Variants in GRHPR observed in about 807,000 individuals in gnomAD.
The protein encoded by GRHPR is glyoxylate reductase/hydroxypyruvate reductase.
A neutral mutation model predicts 36.8 loss-of-function variants in GRHPR; 35 were observed. That is an observed-to-expected ratio of 0.95 (90% CI 0.73 to 1.26). GRHPR has a LOEUF of 1.26. GRHPR is among the 50% of genes most tolerant of loss of function. The pLI is 0.00. For synonymous variants in GRHPR, 179 were observed against 181.0 expected (o/e 0.99, Z 0.09); for missense variants, 380 against 435.0 (o/e 0.87, Z 1.12).
chr9:37,426,755 C>T, intron 4 of GRHPR, 101 bp downstream of exon 4: 1 of 740,550 alleles, frequency 1.4e-6, no homozygotes, highest in Middle Eastern at 3.5e-4. Flanking sequence ...CGAGACCAGT[C>T]TGGCCAACAT....
Position 37,424,862 on chromosome 9 carries a change from G to A in GRHPR, c.101G>A (p.Trp34Ter). The A allele has an allele frequency of 6.2e-7, 1 of 1,611,806 alleles. No homozygotes were observed. Among genetic ancestry groups the A allele is most frequent in the Non-Finnish European group, 8.5e-7 (1 of 1,178,306 alleles). Residue 34 changes from tryptophan to a stop codon, truncating the protein, a stop_gained, in exon 2 of 9, where the codon TGG becomes TAG. Coordinates refer to ENST00000318158, the MANE Select transcript of GRHPR (RefSeq NM_012203.2). LOFTEE classifies it high-confidence loss of function. The part of the protein sequence containing the change: ...ARAADCEVEQ[W>*]DSDEPIPAKE... ...CCCCGCAGCTGTGAGGTGGAGCAGT[G>A]GGACTCGGATGAGCCCATCCCTGCC...
Position 37,430,108 on chromosome 9 carries a change from C to T in GRHPR, c.598+272C>T, listed in dbSNP as rs1454274809. The T allele has an allele frequency of 9.7e-5, 53 of 549,076 alleles. 1 individual carries two copies. The highest frequency in any genetic ancestry group is 8.6e-4 in the South Asian group (43 of 50,014). The allele number at this position is 549,076 out of a possible 1,614,324, so 34.0% of individuals were successfully genotyped here. ...CCATTCCCCATTGTGGGCGGAGCAG[C>T]GGGGATGGTGGTGGGTGTGAGGAAG... is the stretch of plus-strand genomic sequence containing the variant. On this transcript the variant is annotated intron_variant, in intron 6 of 8. Coordinates refer to ENST00000318158, the MANE Select transcript of GRHPR (RefSeq NM_012203.2).
At chr9:37,432,415 C>T (rs1823415456) in intron 8 of GRHPR, 3 of 380,874 alleles carry the variant, frequency 7.9e-6, no homozygotes, top group South Asian at 2.1e-5. Flanking sequence ...CGTGGTGGCT[C>T]ATGCCTGTAA....
intron 8 of GRHPR, among the ~76,000 whole-genome samples, chr9:37,433,245 T>G (rs956028635): frequency 6.7e-6 from 1 of 149,320 alleles, no homozygotes; most frequent in African/African-American, 2.5e-5. Flanking sequence ...TTTTTTTTTT[T>G]TTTTTTGAGA....
intron 8 of GRHPR, among the ~76,000 whole-genome samples, chr9:37,435,588 G>C (rs1041215477): frequency 1.3e-5 from 2 of 152,140 alleles, no homozygotes; most frequent in Non-Finnish European, 2.9e-5. Flanking sequence ...AAGAAACTCT[G>C]TGAATTAAGT....
intron 8 of GRHPR, 74 bp from the exon 9 acceptor site, chr9:37,436,587 C>T: frequency 6.5e-7 from 1 of 1,546,734 alleles, no homozygotes; most frequent in Non-Finnish European, 8.9e-7. Flanking sequence ...CAAACCCAAG[C>T]CATGAAAACA....
chr9:37,438,322 A>T (rs1356320007), downstream of GRHPR: 1 of 152,654 alleles, frequency 6.6e-6, no homozygotes, highest in African/African-American at 2.4e-5. Flanking sequence ...ACTACAGATC[A>T]TAGGAACCCT....
At chr9:37,429,345 G>A in intron 5 of GRHPR, 1 of 323,428 alleles carries the variant, frequency 3.1e-6, no homozygotes, top group Non-Finnish European at 6.1e-6. Flanking sequence ...GTCTGAGACT[G>A]CATTCACAGA....
intron 1 of GRHPR, 63 bp from the exon 2 acceptor site, chr9:37,424,782 C>T (rs1441532266): frequency 1.3e-6 from 2 of 1,583,830 alleles, no homozygotes; most frequent in Admixed American, 1.8e-5. Flanking sequence ...GGATTCCCAG[C>T]TGGGAGGGGC....
At chr9:37,431,849 T>C (rs1052060569) in intron 7 of GRHPR, 159 bp from the exon 8 acceptor site, 3 of 711,870 alleles carry the variant, frequency 4.2e-6, no homozygotes, top group African/African-American at 3.5e-5. Flanking sequence ...TCTCTGAGTA[T>C]ATAAGACTTA....
At chr9:37,434,106 G>C (rs1047242833) in intron 8 of GRHPR, 9 of 398,456 alleles carry the variant, frequency 2.3e-5, no homozygotes, top group African/African-American at 1.9e-4. Context: ...GGTCTGAGGA[G>C]AGGGCAGTCA....
At chr9:37,431,025 T>C (rs1054791660) in intron 7 of GRHPR, 9 of 478,346 alleles carry the variant, frequency 1.9e-5, no homozygotes, top group African/African-American at 1.8e-4. Flanking sequence ...AGCCTGGCTT[T>C]GTCTGGCTGT....
chr9:37,428,412 G>T, intron 4 of GRHPR, 72 bp from the exon 5 acceptor site: 1 of 976,746 alleles, frequency 1.0e-6, no homozygotes. Context: ...ACAGTCAGAG[G>T]TGCCGGGTTC....
At chr9:37,428,634 C>T (rs1304631839) in intron 5 of GRHPR, 62 bp downstream of exon 5, 5 of 1,076,512 alleles carry the variant, frequency 4.6e-6, no homozygotes, top group Non-Finnish European at 7.1e-6. Flanking sequence ...GCATCCCTGG[C>T]ACCACGTGTC....
Position 37,430,501 on chromosome 9 carries a change from C to T in GRHPR, c.599-10C>T. ...GACTCAGTGCCTGATGGAGTCCTGC[C>T]CTCCCTCAGTGTCTACCCCTGAGCT... is the stretch of plus-strand genomic sequence containing the variant. On this transcript the variant is annotated splice_polypyrimidine_tract_variant and intron_variant, in intron 6 of 8. Transcript: ENST00000318158. The T allele has an allele frequency of 1.2e-6, 2 of 1,611,784 alleles. No homozygotes were observed. The highest frequency in any genetic ancestry group is 1.7e-6 in the Non-Finnish European group (2 of 1,177,848).
intron 6 of GRHPR, chr9:37,430,266 C>T: frequency 1.7e-6 from 1 of 595,682 alleles, no homozygotes; most frequent in Non-Finnish European, 3.0e-6. Flanking sequence ...CAGGCTGGAT[C>T]TCAAGCATTC....
intron 8 of GRHPR, among the ~76,000 whole-genome samples, chr9:37,436,107 C>T (rs534263767): frequency 3.9e-5 from 6 of 152,232 alleles, no homozygotes; most frequent in Middle Eastern, 3.4e-3. Flanking sequence ...AACTCCTATG[C>T]GTTCACCATT....
In GRHPR at chr9:37,426,582, C is replaced by T. The variant is rs1588752650; in HGVS notation, c.332C>T (p.Thr111Ile). The T allele has an allele frequency of 1.2e-6, 2 of 1,613,952 alleles. No homozygotes were observed. Among genetic ancestry groups the T allele is most frequent in the Non-Finnish European group, 8.5e-7 (1 of 1,179,834 alleles). Residue 111 changes from threonine (T) to isoleucine (I), a missense_variant, in exon 4 of 9, where the codon ACC becomes ATC. Thr to Ile is a moderately conservative substitution (Grantham distance 89, BLOSUM62 -1). Transcript: ENST00000318158. ...ACCCCAGATGTCCTGACAGATACCACCGCCGAACTCGCAGTCTCCCTGCTA... is the reference window on the plus strand; with the variant it reads ...ACCCCAGATGTCCTGACAGATACCATCGCCGAACTCGCAGTCTCCCTGCTA... ...GYTPDVLTDT[T>I]AELAVSLLLT...
At chr9:37,428,619 G>A (rs1183641611) in intron 5 of GRHPR, 47 bp downstream of exon 5, 9 of 1,272,476 alleles carry the variant, frequency 7.1e-6, no homozygotes, top group South Asian at 2.4e-5. Flanking sequence ...CTCACAGCGT[G>A]GTTTGCATCC....
Sources: gnomAD v4.1 joint callset for allele counts (sites outside exome capture counted in the v4.1 genomes callset) on GRCh38, gnomAD v4.1.1 for gene constraint, MANE v1.5 for transcripts, NCBI Gene and HGNC (gene_info 2026-07-23, HGNC 2026-07-21) for gene names.